DST: variants seen among roughly 807,000 people sequenced by gnomAD.
DST encodes the protein bullous pemphigoid antigen.
In DST, 253 loss-of-function variants were observed where a neutral mutation model predicts 875.2. The observed-to-expected ratio is 0.29, with a 90% CI of 0.26 to 0.32. DST has a LOEUF of 0.32. Among genes scored for constraint, DST ranks in the 10% least tolerant of loss-of-function variants. DST has a pLI of 1.00. For synonymous variants in DST, 3,124 were observed against 3,197.1 expected (o/e 0.98, Z 0.77); for missense variants, 8,287 against 9,111.6 (o/e 0.91, Z 3.68).
At chr6:56,585,914 T>A (rs137977790) in intron 49 of DST, among the ~76,000 whole-genome samples, 1 of 152,186 alleles carries the variant, frequency 6.6e-6, no homozygotes, top group Non-Finnish European at 1.5e-5. Flanking sequence ...TTTGAGTGAG[T>A]TTCTTAATCC....
chr6:56,856,236 A>G (rs1767798713), intron 3 of DST, among the ~76,000 whole-genome samples: 1 of 152,212 alleles, frequency 6.6e-6, no homozygotes, highest in Non-Finnish European at 1.5e-5. Context: ...TGAGATAAGT[A>G]CAATGGAACT....
intron 4 of DST, among the ~76,000 whole-genome samples, chr6:56,816,790 A>G (rs2099767067): frequency 6.6e-6 from 1 of 151,780 alleles, no homozygotes; most frequent in Admixed American, 6.6e-5. Context: ...TCTAAGTAGA[A>G]GGAGAAAGCT....
intron 9 of DST, chr6:56,693,270 A>C: frequency 8.4e-7 from 1 of 1,188,996 alleles, no homozygotes; most frequent in South Asian, 1.6e-5. Flanking sequence ...AGACTTTATG[A>C]CCATCCTCTT....
intron 4 of DST, among the ~76,000 whole-genome samples, chr6:56,796,741 AT>A: frequency 6.6e-6 from 1 of 152,110 alleles, no homozygotes; most frequent in Non-Finnish European, 1.5e-5. Context: ...TAAAAAATAA[AT>A]ATTGTTATAT....
chr6:56,840,920 G>C (rs2099799207), intron 4 of DST, among the ~76,000 whole-genome samples: 1 of 152,166 alleles, frequency 6.6e-6, no homozygotes, highest in Admixed American at 6.5e-5. Context: ...TTGGCAACCT[G>C]ATAATATTCT....
At chr6:56,587,498 T>C (rs914886471) in intron 49 of DST, among the ~76,000 whole-genome samples, 2 of 152,072 alleles carry the variant, frequency 1.3e-5, no homozygotes, top group Non-Finnish European at 2.9e-5. Context: ...CAGGATATTA[T>C]CCAGGAGAAC....
At chr6:56,646,238 AT>A in intron 13 of DST, 56 bp from the exon 14 acceptor site, 1 of 1,009,116 alleles carries the variant, frequency 9.9e-7, no homozygotes, top group Non-Finnish European at 1.4e-6. Flanking sequence ...TGTTTTCATG[AT>A]CTCACTAAGC....
At chr6:56,569,558 T>C (rs149216897) in intron 54 of DST, among the ~76,000 whole-genome samples, 44 of 152,230 alleles carry the variant, frequency 2.9e-4, no homozygotes, top group African/African-American at 1.0e-3. Context: ...TGAGAAGTGG[T>C]ATAAAAAATT....
At chr6:56,469,300 G>A (rs2094759290) in intron 97 of DST, among the ~76,000 whole-genome samples, 1 of 151,520 alleles carries the variant, frequency 6.6e-6, no homozygotes, top group African/African-American at 2.4e-5. Context: ...ACTGTATTGG[G>A]GAAACTCAGC....
At chr6:56,581,161 C>T (rs372960697) in intron 49 of DST, among the ~76,000 whole-genome samples, 1 of 148,526 alleles carries the variant, frequency 6.7e-6, no homozygotes, top group African/African-American at 2.5e-5. Flanking sequence ...CAGAAGGAAA[C>T]AGCAAAAACT....
Position 56,916,082 on chromosome 6 carries a change from G to A in DST, c.217-15461C>T, listed in dbSNP as rs1264791717. 2.0e-5 allele frequency among the ~76,000 whole-genome samples: 3 copies of A among 152,194 alleles called. No homozygotes were observed. In the East Asian group the frequency reaches 5.8e-4, roughly 29 times the overall value. ...TTCAGACTAGCTCAGATGGCAGATAGGTGATAGGGAGGAAGTAACAAGACA... is the reference window on the plus strand; with the variant it reads ...TTCAGACTAGCTCAGATGGCAGATAAGTGATAGGGAGGAAGTAACAAGACA... On this transcript the variant is annotated intron_variant, in intron 2 of 103. Transcript: ENST00000680361.
At chr6:56,619,301 T>G (rs2098663099) in intron 36 of DST, 1 of 1,611,950 alleles carries the variant, frequency 6.2e-7, no homozygotes. Context: ...CCTAGTAAGC[T>G]CCTCTACTTT....
chr6:56,760,125 A>G (rs2099613851), intron 4 of DST, among the ~76,000 whole-genome samples: 1 of 152,230 alleles, frequency 6.6e-6, no homozygotes, highest in Non-Finnish European at 1.5e-5. Context: ...AGAAAATTGC[A>G]CAAGTCTGAA....
At chr6:56,550,469 C>T (rs2097304037) in intron 61 of DST, among the ~76,000 whole-genome samples, 1 of 152,184 alleles carries the variant, frequency 6.6e-6, no homozygotes, top group East Asian at 1.9e-4. Context: ...TGGGACTTTG[C>T]AGTTTGCAAA....
At chr6:56,660,167 C>T (rs1001917427) in intron 10 of DST, among the ~76,000 whole-genome samples, 3 of 152,178 alleles carry the variant, frequency 2.0e-5, no homozygotes, top group Non-Finnish European at 2.9e-5. Context: ...TAATGAAGTT[C>T]TAATGAAATC....
chr6:56,509,720 A>G lies in DST; in HGVS notation c.18934T>C (p.Leu6312=). The G allele has an allele frequency of 6.2e-7, 1 of 1,613,628 alleles. No individual in the cohort carries two copies. The highest frequency in any genetic ancestry group is 8.5e-7 in the Non-Finnish European group (1 of 1,179,748). ...VSVDMEKLQP[L]YETLKQRGEE... ...CCCCTCTGTTTAAGAGTTTCATACA[A>G]CGGCTGTAGCTTTTCCATGTCTACT... is the stretch of plus-strand genomic sequence containing the variant. Residue 6312 remains leucine, a synonymous_variant, in exon 74 of 104, where the codon TTG becomes CTG. Coordinates refer to ENST00000680361, the MANE Select transcript of DST (RefSeq NM_001374736.1).
chr6:56,472,750 C>T lies in DST; in HGVS notation c.21995-528G>A, dbSNP rs141569640. 7.9e-5 allele frequency among the ~76,000 whole-genome samples: 12 copies of T among 152,284 alleles called. No homozygotes were observed. The East Asian group carries it at 9.7e-4, about 12-fold the overall frequency. On this transcript the variant is annotated intron_variant, in intron 93 of 103. Coordinates refer to ENST00000680361, the MANE Select transcript of DST (RefSeq NM_001374736.1). ...AGCATGTGTATGGGACCCCAGCCTT[C>T]GCCCACATCCATTTTCCACTGAGAT...
Position 56,605,907 on chromosome 6 carries a change from T to C in DST, c.8721A>G (p.Lys2907=). 1 of 1,612,828 alleles carries C rather than the reference T, an allele frequency of 6.2e-7. No homozygotes were observed. Residue 2907 remains lysine, a synonymous_variant, in exon 40 of 104, where the codon AAA becomes AAG. Coordinates refer to ENST00000680361, the MANE Select transcript of DST (RefSeq NM_001374736.1). The part of the protein sequence containing the change: ...EYTTEIAGKS[K]ENLLNHEMVL... Reference sequence around the variant, plus strand: ...CCATCTCATGGTTCAACAGATTTTCTTTGCTTTTTCCAGCAATCTCAGTTG... The same window carrying C: ...CCATCTCATGGTTCAACAGATTTTCCTTGCTTTTTCCAGCAATCTCAGTTG...
chr6:56,624,357 C>A, intron 36 of DST, 173 bp downstream of exon 36: 1 of 690,754 alleles, frequency 1.4e-6, no homozygotes, highest in South Asian at 1.5e-5. Flanking sequence ...AAACAAAAAT[C>A]TTAGGCCTTC....
Sources: allele counts gnomAD v4.1 joint callset (sites outside exome capture counted in the v4.1 genomes callset), GRCh38; gene constraint gnomAD v4.1.1; transcripts MANE v1.5; gene names NCBI Gene and HGNC (gene_info 2026-07-23, HGNC 2026-07-21).